The following KIF5B variants were observed in gnomAD, a reference collection of about 807,000 sequenced individuals.
The protein encoded by KIF5B is kinesin family member 5B.
In KIF5B, 49 loss-of-function variants were observed where a neutral mutation model predicts 132.8. The ratio of observed to expected loss-of-function variants is 0.37; its 90% CI spans 0.29 to 0.47. The LOEUF is 0.47. Among genes scored for constraint, KIF5B ranks in the 20% least tolerant of loss-of-function variants. The pLI is 1.00. For synonymous variants in KIF5B, 355 were observed against 369.4 expected, an observed-to-expected ratio of 0.96 and a Z score of 0.45; for missense variants, 780 against 1,144.0, an observed-to-expected ratio of 0.68 and a Z score of 4.59.
At position 32,055,874 on chromosome 10, in the gene KIF5B, G is replaced by T; in HGVS notation, c.100C>A (p.Gln34Lys). 6.2e-7 allele frequency: 1 copy of T among 1,612,978 alleles called. No homozygotes were observed. Residue 34 changes from glutamine to lysine, a missense_variant, in exon 1 of 26, where the codon CAG (glutamine) becomes AAG (lysine). By Grantham distance (53) the Gln-to-Lys change is moderately conservative. Coordinates refer to ENST00000302418, the MANE Select transcript of KIF5B (RefSeq NM_004521.3). ...GCGATCACGACCGTGTCTTCTCCCT[G>T]AAACTTGGCGATGTACTTGTCGCCG... ...NRGDKYIAKF[Q>K]GEDTVVIASK...
At chr10:32,053,610 G>C (rs1022447031) in intron 1 of KIF5B, among the ~76,000 whole-genome samples, 2 of 151,884 alleles carry the variant, frequency 1.3e-5, no homozygotes, top group African/African-American at 4.8e-5. Flanking sequence ...TGTAATCCCA[G>C]CTACTGGGGC....
Position 32,019,897 on chromosome 10 carries a change from G to C in KIF5B, c.2267C>G (p.Ala756Gly), listed in dbSNP as rs1255524480. ...RLRVEHEKLK[A>G]TDQEKSRKLH... ...TTTTCTGCTCTTTTCCTGATCTGTG[G>C]CTTTCAACTTCTCATGTTCTACTCT... Residue 756 changes from alanine to glycine, a missense_variant, in exon 20 of 26, where the codon GCC (alanine) becomes GGC (glycine). Transcript: ENST00000302418. The C allele has an allele frequency of 1.2e-6, 2 of 1,611,554 alleles. No individual in the cohort carries two copies. The highest frequency in any genetic ancestry group is 1.7e-6 in the Non-Finnish European group (2 of 1,179,020).
intron 14 of KIF5B, among the ~76,000 whole-genome samples, chr10:32,029,794 T>G (rs1175936898): frequency 6.6e-6 from 1 of 152,180 alleles, no homozygotes; most frequent in Non-Finnish European, 1.5e-5. Context: ...TTCAGAGTTG[T>G]AAAAAACTCC....
intron 8 of KIF5B, among the ~76,000 whole-genome samples, chr10:32,036,486 C>T (rs918914051): frequency 1.3e-5 from 2 of 151,564 alleles, no homozygotes; most frequent in Non-Finnish European, 2.9e-5. Flanking sequence ...GTGGCTTGAT[C>T]CCAGCTCACT....
At chr10:32,020,064 T>TA in intron 19 of KIF5B, 105 bp from the exon 20 acceptor site, 2 of 767,420 alleles carry the variant, frequency 2.6e-6, no homozygotes, top group South Asian at 3.6e-5. Context: ...ATCAAGGACT[T>TA]TTCTGTTATC....
chr10:32,023,370 TCTTC>T (rs1454811648), intron 15 of KIF5B, among the ~76,000 whole-genome samples: 13 of 152,220 alleles, frequency 8.5e-5, no homozygotes, highest in Non-Finnish European at 1.8e-4. Context: ...TTACAGGACC[TCTTC>T]AGTAAATTCA....
intron 12 of KIF5B, among the ~76,000 whole-genome samples, chr10:32,033,330 A>C (rs1286947338): frequency 1.3e-5 from 2 of 152,204 alleles, no homozygotes; most frequent in South Asian, 2.1e-4. Flanking sequence ...AGGAACCAAG[A>C]AGCACAGCAG....
intron 23 of KIF5B, among the ~76,000 whole-genome samples, 177 bp from the exon 24 acceptor site, chr10:32,017,536 T>A (rs761799133): frequency 4.6e-5 from 7 of 152,220 alleles, no homozygotes; most frequent in Non-Finnish European, 8.8e-5. Flanking sequence ...CGTGCACACA[T>A]CTAGTTTATT....
chr10:32,018,375 G>C lies in KIF5B; in HGVS notation c.2380C>G (p.Gln794Glu). The C allele has an allele frequency of 6.5e-7, 1 of 1,534,376 alleles. No homozygotes were observed. Among genetic ancestry groups the C allele is most frequent in the South Asian group, 1.3e-5 (1 of 75,792 alleles). The change falls in exon 22 of 26, where the codon CAG (glutamine) becomes GAG (glutamate). Residue 794 changes from glutamine (Q) to glutamate (E), a missense_variant. Gln to Glu is a conservative substitution (Grantham distance 29, BLOSUM62 2). This residue lies in a region of KIF5B where 471 missense variants were observed against 569.9 expected (regional missense o/e 0.83). Transcript: ENST00000302418. ...AGTTTGCGCAGGTTGTGTAAAGTCT[G>C]AAGTTCTTTTGCCTTGGATTAAGAA... Reference protein sequence around the residue: ...GLEETVAKELQTLHNLRKLFV... With the variant: ...GLEETVAKELETLHNLRKLFV...
chr10:32,049,459 AG>A (rs1416442619), intron 1 of KIF5B, among the ~76,000 whole-genome samples: 1 of 152,222 alleles, frequency 6.6e-6, no homozygotes, highest in Non-Finnish European at 1.5e-5. Context: ...AGGGTGAAAA[AG>A]GTTTCGTGTA....
intron 2 of KIF5B, among the ~76,000 whole-genome samples, chr10:32,044,026 AC>A (rs1419669202): frequency 1.3e-5 from 2 of 151,738 alleles, no homozygotes; most frequent in African/African-American, 4.8e-5. Context: ...CTGTCCTCAC[AC>A]CTCCCTAGGT....
chr10:32,056,025 T>C lies in KIF5B; in HGVS notation c.-52A>G, dbSNP rs1318448926. On this transcript the variant is annotated 5_prime_UTR_variant, in exon 1 of 26. Coordinates refer to ENST00000302418, the MANE Select transcript of KIF5B (RefSeq NM_004521.3). ...GGGAGCCACTCCCCGCCGCTCAGTC[T>C]TGCAGGGAACGCGCCGGACCTGAGG... The C allele has an allele frequency of 6.3e-7, 1 of 1,595,486 alleles. No homozygotes were observed. The highest frequency in any genetic ancestry group is 2.2e-5 in the East Asian group (1 of 44,642).
At chr10:32,033,770 GAA>G in intron 12 of KIF5B, 73 bp downstream of exon 12, 1 of 1,005,562 alleles carries the variant, frequency 9.9e-7, no homozygotes, top group Non-Finnish European at 1.5e-6. Context: ...ACTGAAATGA[GAA>G]AAGTTAGAAA....
At chr10:32,043,393 A>C (rs1156660332) in intron 2 of KIF5B, among the ~76,000 whole-genome samples, 1 of 152,240 alleles carries the variant, frequency 6.6e-6, no homozygotes, top group African/African-American at 2.4e-5. Flanking sequence ...ACAGCTAGTA[A>C]GATGAAGCTG....
Position 32,056,423 on chromosome 10 carries a change from G to C in KIF5B, c.-450C>G, listed in dbSNP as rs769067586. On this transcript the variant is annotated 5_prime_UTR_variant, in exon 1 of 26. Transcript: ENST00000302418. The stretch of plus-strand genomic sequence containing the variant: ...ATCACTCCTGAGGCCGCCGTTGGGC[G>C]ACAGGGCGGTGCGGGAGGAGGACTG... 1 of 162,892 alleles carries C rather than the reference G, an allele frequency of 6.1e-6. No individual in the cohort carries two copies. The highest frequency in any genetic ancestry group is 1.3e-5 in the Non-Finnish European group (1 of 74,470). The allele number at this position is 162,892 out of a possible 1,614,324, so 10.1% of individuals were successfully genotyped here.
chr10:32,024,152 T>C (rs1444261830), intron 15 of KIF5B, among the ~76,000 whole-genome samples: 2 of 118,916 alleles, frequency 1.7e-5, no homozygotes, highest in Non-Finnish European at 3.6e-5. Flanking sequence ...AACTCTTTTT[T>C]TTTTTTTTTT....
chr10:32,024,345 G>A (rs1281712399), intron 15 of KIF5B, among the ~76,000 whole-genome samples: 41 of 145,468 alleles, frequency 2.8e-4, no homozygotes, highest in Non-Finnish European at 6.1e-4. Flanking sequence ...TAGTAGAGAC[G>A]GGGTTTCACC....
rs1189198569 is a variant in KIF5B, at chr10:32,040,389, TTG to T, written c.281_282del (p.Thr94AsnfsTer4). 1 of 1,578,696 alleles carries T rather than the reference TTG, an allele frequency of 6.3e-7. No individual in the cohort carries two copies. The highest frequency in any genetic ancestry group is 8.7e-7 in the Non-Finnish European group (1 of 1,147,842). On this transcript the variant is annotated frameshift_variant, in exon 3 of 26. Transcript: ENST00000302418. LOFTEE classifies it high-confidence loss of function. Reference sequence around the variant, plus strand: ...TACAGATTATAAAACGTTACCTCCATTGTGTGTGTCTTCCCAGAGGATGTTTG... The same window carrying T: ...TACAGATTATAAAACGTTACCTCCATTGTGTGTCTTCCCAGAGGATGTTTG... ...YGQTSSGKTH[T>X]MEGKLHDPEG...
Position 32,048,565 on chromosome 10 carries a change from A to C in KIF5B, c.127-14T>G, listed in dbSNP as rs941718537. On this transcript the variant is annotated splice_polypyrimidine_tract_variant and intron_variant, in intron 1 of 25. Transcript: ENST00000302418. Reference sequence around the variant, plus strand: ...ATAAGGCTTGGACTGAAAAACAAAAAAGTGTTTCAACTATACAAATTAAAG... The same window carrying C: ...ATAAGGCTTGGACTGAAAAACAAAACAGTGTTTCAACTATACAAATTAAAG... The C allele has an allele frequency of 7.5e-6, 12 of 1,595,250 alleles. No homozygotes were observed. Among genetic ancestry groups the C allele is most frequent in the Non-Finnish European group, 9.4e-6 (11 of 1,165,242 alleles).
Sources: gnomAD v4.1 joint callset for allele counts (sites outside exome capture counted in the v4.1 genomes callset) on GRCh38, gnomAD v4.1.1 for gene constraint, gnomAD v4.1.1 regional missense constraint, MANE v1.5 for transcripts, NCBI Gene and HGNC (gene_info 2026-07-23, HGNC 2026-07-21) for gene names.